Variants in OPCML observed in about 807,000 individuals in gnomAD.
The protein encoded by OPCML is opioid binding protein/cell adhesion molecule like, also known as opioid-binding protein/cell adhesion molecule.
A neutral mutation model predicts 37.8 loss-of-function variants in OPCML; 13 were observed. The ratio of observed to expected loss-of-function variants is 0.34; its 90% CI spans 0.22 to 0.55. The LOEUF (loss-of-function observed/expected upper bound fraction) is 0.55. Among genes scored for constraint, OPCML ranks in the 20% least tolerant of loss-of-function variants. OPCML has a pLI of 0.91. For synonymous variants in OPCML, 176 were observed against 168.8 expected (o/e 1.04, Z -0.33); for missense variants, 341 against 435.6 (o/e 0.78, Z 1.93).
chr11:132,721,182 ACT>A (rs1254196859), intron 2 of OPCML, among the ~76,000 whole-genome samples: 7 of 152,206 alleles, frequency 4.6e-5, no homozygotes, highest in African/African-American at 1.4e-4. Flanking sequence ...TGAGAAACGA[ACT>A]TTGTCCAAGC....
rs201479090 is a variant in OPCML, at chr11:132,769,242, TG to T, written c.147-111924del. On this transcript the variant is annotated intron_variant, in intron 2 of 7. Transcript: ENST00000524381. ...TTTTTTTGTTTTTTGGTTTGTTTGT[TG>T]TTTTTTTTTTTTGAGACGGAGTCTC... Among the ~76,000 whole-genome samples the T allele has an allele frequency of 1.3e-3, 193 of 150,440 alleles. 2 individuals carry two copies. The highest frequency in any genetic ancestry group is 4.0e-3 in the African/African-American group (163 of 41,102).
intron 1 of OPCML, among the ~76,000 whole-genome samples, chr11:133,093,264 G>A (rs147932092): frequency 1.1e-3 from 164 of 146,402 alleles, no homozygotes; most frequent in Middle Eastern, 7.5e-3. Context: ...CCAATGTATC[G>A]TTCTTTTTTT....
At chr11:132,807,621 G>T (rs1939092239) in intron 2 of OPCML, among the ~76,000 whole-genome samples, 2 of 152,148 alleles carry the variant, frequency 1.3e-5, no homozygotes, top group Admixed American at 6.5e-5. Context: ...CTCCATCTCT[G>T]AATAGCCTTC....
At chr11:132,473,366 T>C (rs1258102776) in intron 4 of OPCML, among the ~76,000 whole-genome samples, 1 of 152,166 alleles carries the variant, frequency 6.6e-6, no homozygotes, top group Non-Finnish European at 1.5e-5. Context: ...AAAGACCCAA[T>C]CTGTAAGTGA....
intron 1 of OPCML, among the ~76,000 whole-genome samples, chr11:132,978,652 G>A (rs764022173): frequency 6.6e-6 from 1 of 152,132 alleles, no homozygotes; most frequent in Non-Finnish European, 1.5e-5. Flanking sequence ...TCCAGGGTGA[G>A]GGAACAGGGG....
intron 1 of OPCML, among the ~76,000 whole-genome samples, chr11:133,370,622 G>C (rs1293536768): frequency 1.3e-5 from 2 of 152,018 alleles, no homozygotes; most frequent in Non-Finnish European, 2.9e-5. Flanking sequence ...TCATCCTCAT[G>C]GATCAGAAGA....
chr11:132,614,109 A>G (rs1938836620), intron 3 of OPCML, among the ~76,000 whole-genome samples: 1 of 152,086 alleles, frequency 6.6e-6, no homozygotes, highest in Admixed American at 6.6e-5. Flanking sequence ...TATGACCCCA[A>G]CCAACTTTCC....
Position 133,308,863 on chromosome 11 carries a change from C to T in OPCML, c.61+223401G>A, listed in dbSNP as rs144632145. Among the ~76,000 whole-genome samples the T allele has an allele frequency of 1.6e-3, 243 of 152,234 alleles. 5 individuals carry two copies. The highest frequency in any genetic ancestry group is 0.01 in the Middle Eastern group (3 of 294). ...TGTGTAACATTAAAACACCAAAGAG[C>T]CAACTTCAAAGAGTTCACAATAACT... On this transcript the variant is annotated intron_variant, in intron 1 of 7. Transcript: ENST00000524381.
Position 133,458,176 on chromosome 11 carries a change from A to ACGCG in OPCML, c.61+74087_61+74088insCGCG, listed in dbSNP as rs1565644527. 2.6e-4 allele frequency among the ~76,000 whole-genome samples: 34 copies of ACGCG among 132,784 alleles called. 2 individuals are homozygous for ACGCG. Among genetic ancestry groups the ACGCG allele is most frequent in the African/African-American group, 1.2e-3 (33 of 26,938 alleles). The allele number at this position is 132,784 out of a possible 152,430, so 87.1% of individuals were successfully genotyped here. A position where few individuals can be genotyped will look rare whatever the true frequency, so the allele number is the denominator to read the frequency against. ...AAAATATATATATACATATACATAT[A>ACGCG]TGTGTATATATACACATATATACAC... is the stretch of plus-strand genomic sequence containing the variant. On this transcript the variant is annotated intron_variant, in intron 1 of 7. Coordinates refer to ENST00000524381, the MANE Select transcript of OPCML (RefSeq NM_001012393.5).
chr11:132,501,418 G>A (rs944519614), intron 4 of OPCML, among the ~76,000 whole-genome samples: 3 of 152,146 alleles, frequency 2.0e-5, no homozygotes, highest in East Asian at 1.9e-4. Flanking sequence ...TCCTGGTCCC[G>A]GGTGCCATAG....
At chr11:133,125,667 T>A (rs557637540) in intron 1 of OPCML, among the ~76,000 whole-genome samples, 1,883 of 131,156 alleles carry the variant, frequency 0.014, 54 homozygotes, top group African/African-American at 0.05. Context: ...TACATGTATA[T>A]AGTATAGTAT....
intron 1 of OPCML, among the ~76,000 whole-genome samples, chr11:133,178,778 G>C (rs894393221): frequency 2.0e-5 from 3 of 152,184 alleles, no homozygotes; most frequent in Non-Finnish European, 4.4e-5. Context: ...TTAATTCATA[G>C]TTTGGGGGAG....
At chr11:133,044,150 A>G (rs558275723) in intron 1 of OPCML, among the ~76,000 whole-genome samples, 27 of 152,306 alleles carry the variant, frequency 1.8e-4, no homozygotes, top group African/African-American at 5.5e-4. Flanking sequence ...GGAGTAAGCC[A>G]TGTGAGAAGG....
chr11:133,418,172 C>T, intron 1 of OPCML: 7 of 985,376 alleles, frequency 7.1e-6, no homozygotes, highest in Non-Finnish European at 8.4e-6. Context: ...AATACTCTCG[C>T]CTGTCTGCCA....
At chr11:133,274,455 C>T (rs781468868) in intron 1 of OPCML, among the ~76,000 whole-genome samples, 10 of 152,148 alleles carry the variant, frequency 6.6e-5, no homozygotes, top group Middle Eastern at 3.2e-3. Context: ...CCAATGAACA[C>T]CAGGATTTTC....
chr11:133,502,216 G>C (rs1947930463), intron 1 of OPCML, among the ~76,000 whole-genome samples: 1 of 152,160 alleles, frequency 6.6e-6, no homozygotes, highest in South Asian at 2.1e-4. Context: ...GTGAACTCTG[G>C]TATGCTCTCC....
chr11:133,279,242 C>G (rs1015757848), intron 1 of OPCML, among the ~76,000 whole-genome samples: 2 of 152,214 alleles, frequency 1.3e-5, no homozygotes, highest in Non-Finnish European at 2.9e-5. Context: ...CACAAATCGT[C>G]ATCATGTTGT....
At chr11:132,722,738 A>G (rs1220274660) in intron 2 of OPCML, among the ~76,000 whole-genome samples, 1 of 152,156 alleles carries the variant, frequency 6.6e-6, no homozygotes, top group Non-Finnish European at 1.5e-5. Context: ...CCAGCCCTCC[A>G]TGAACTGGGC....
intron 1 of OPCML, among the ~76,000 whole-genome samples, chr11:132,993,646 G>A (rs1484910628): frequency 1.3e-5 from 2 of 152,076 alleles, no homozygotes; most frequent in African/African-American, 4.8e-5. Context: ...TGCCCTCCGC[G>A]AGCCTAGAGT....
Sources: allele counts gnomAD v4.1 joint callset (sites outside exome capture counted in the v4.1 genomes callset), GRCh38; gene constraint gnomAD v4.1.1; transcripts MANE v1.5; gene names NCBI Gene and HGNC (gene_info 2026-07-23, HGNC 2026-07-21).